BMERB1: variants seen among roughly 807,000 people sequenced by gnomAD.
BMERB1 encodes bMERB domain-containing protein 1.
BMERB1 carries 12 observed loss-of-function variants against 23.6 expected under a neutral mutation model. That is an observed-to-expected ratio of 0.51 (90% CI 0.33 to 0.82). The LOEUF is 0.82. BMERB1 is among the 40% of genes least tolerant of loss of function. BMERB1 has a pLI of 0.03. For missense variants in BMERB1, 247 were observed against 255.4 expected (o/e 0.97, Z 0.22); for synonymous variants, 122 against 96.6 (o/e 1.26, Z -1.54).
At chr16:15,574,439 GT>G (rs1037003082) in intron 3 of BMERB1, among the ~76,000 whole-genome samples, 1 of 152,052 alleles carries the variant, frequency 6.6e-6, no homozygotes, top group African/African-American at 2.4e-5. Flanking sequence ...TATCGTCTTT[GT>G]TTTAAATGAT....
intron 1 of BMERB1, among the ~76,000 whole-genome samples, chr16:15,514,679 G>A (rs1446432500): frequency 6.6e-6 from 1 of 152,164 alleles, no homozygotes; most frequent in Non-Finnish European, 1.5e-5. Context: ...TTATAAGGCT[G>A]AGGTGGGAGA....
chr16:15,553,794 C>T (rs191976039), intron 2 of BMERB1, among the ~76,000 whole-genome samples: 1 of 152,106 alleles, frequency 6.6e-6, no homozygotes, highest in Non-Finnish European at 1.5e-5. Context: ...GAGGAGCAAA[C>T]GCATCTTCCA....
intron 1 of BMERB1, among the ~76,000 whole-genome samples, chr16:15,437,917 C>T (rs2050902303): frequency 6.6e-6 from 1 of 151,430 alleles, no homozygotes. Flanking sequence ...GAGATTGCAC[C>T]ACTGCACTCC....
intron 1 of BMERB1, among the ~76,000 whole-genome samples, chr16:15,441,709 T>C (rs1284223623): frequency 6.6e-6 from 1 of 151,850 alleles, no homozygotes; most frequent in Non-Finnish European, 1.5e-5. Context: ...TTGGTAGAGA[T>C]GGGGTTTTGC....
intron 4 of BMERB1, among the ~76,000 whole-genome samples, chr16:15,581,670 A>G (rs577234139): frequency 6.6e-6 from 1 of 151,682 alleles, no homozygotes; most frequent in Admixed American, 6.6e-5. Context: ...TTCTACCGAA[A>G]CTCTGCCACC....
chr16:15,525,561 C>T (rs954825420), intron 2 of BMERB1, among the ~76,000 whole-genome samples: 5 of 151,932 alleles, frequency 3.3e-5, no homozygotes, highest in African/African-American at 7.2e-5. Flanking sequence ...AAAAATTAGC[C>T]GGCTGTGGTG....
intron 3 of BMERB1, among the ~76,000 whole-genome samples, chr16:15,577,911 G>T (rs1953080058): frequency 6.6e-6 from 1 of 152,240 alleles, no homozygotes; most frequent in South Asian, 2.1e-4. Flanking sequence ...CCCAACTCCT[G>T]AGATCTCATC....
chr16:15,573,288 CTGACT>C (rs1567504232), intron 3 of BMERB1, among the ~76,000 whole-genome samples: 3 of 152,204 alleles, frequency 2.0e-5, no homozygotes, highest in Admixed American at 6.5e-5. Flanking sequence ...CTAGACAAAC[CTGACT>C]TATCAAGACT....
At chr16:15,559,829 C>G (rs2030368308) in intron 2 of BMERB1, among the ~76,000 whole-genome samples, 1 of 152,100 alleles carries the variant, frequency 6.6e-6, no homozygotes, top group South Asian at 2.1e-4. Flanking sequence ...CTGAGTAATT[C>G]AGGACAGGGG....
At chr16:15,526,106 G>A (rs2051902340) in intron 2 of BMERB1, among the ~76,000 whole-genome samples, 3 of 152,084 alleles carry the variant, frequency 2.0e-5, no homozygotes, top group African/African-American at 7.2e-5. Context: ...AGTAAATAAT[G>A]GCTAGTGGCT....
intron 2 of BMERB1, among the ~76,000 whole-genome samples, chr16:15,544,773 C>T (rs1186117276): frequency 6.6e-6 from 1 of 152,158 alleles, no homozygotes; most frequent in Non-Finnish European, 1.5e-5. Context: ...CATTTCCTAG[C>T]TCATATGAGT....
At chr16:15,530,217 A>C (rs926637336) in intron 2 of BMERB1, among the ~76,000 whole-genome samples, 7 of 152,140 alleles carry the variant, frequency 4.6e-5, no homozygotes, top group African/African-American at 1.7e-4. Flanking sequence ...AACACTAAGC[A>C]TGTGGGAGTT....
chr16:15,564,009 G>A (rs570800781), intron 2 of BMERB1, among the ~76,000 whole-genome samples: 2 of 152,190 alleles, frequency 1.3e-5, no homozygotes, highest in Admixed American at 6.5e-5. Context: ...GTTAAAAAAA[G>A]CCTGGCACCT....
chr16:15,580,571 A>G (rs9930462), intron 3 of BMERB1, among the ~76,000 whole-genome samples: 139,746 of 148,502 alleles, frequency 0.94, 65,862 homozygotes, highest in East Asian at 1. Context: ...TTTTTGAGAC[A>G]GAGTCTCGCT....
intron 2 of BMERB1, among the ~76,000 whole-genome samples, chr16:15,529,230 GT>G (rs2051943911): frequency 6.6e-6 from 1 of 152,098 alleles, no homozygotes; most frequent in Admixed American, 6.6e-5. Flanking sequence ...GTTTCACCGT[GT>G]TAGCCAGGAT....
intron 1 of BMERB1, among the ~76,000 whole-genome samples, chr16:15,511,885 C>T (rs1025002324): frequency 1.4e-4 from 22 of 151,812 alleles, no homozygotes; most frequent in Admixed American, 1.4e-3. Context: ...TGGTGACATG[C>T]GCCTGTAGAT....
rs142995376 is a variant in BMERB1 at position 15,586,726 on chromosome 16, C to T, written c.512C>T (p.Ala171Val). 3.7e-6 allele frequency: 6 copies of T among 1,610,008 alleles called. No individual in the cohort carries two copies. The highest frequency in any genetic ancestry group is 1.3e-5 in the African/African-American group (1 of 74,876). Residue 171 changes from alanine to valine, a missense_variant, in exon 6 of 6, where the codon GCA (alanine) becomes GTA (valine). Physicochemically the swap from Ala to Val is moderately conservative, Grantham distance 64. Transcript: ENST00000300006. ...KVTKSPASSR[A>V]EKKAEPPPSK... ...CCACATCTTGCTGCAGGCTCCCGGG[C>T]AGAGAAGAAAGCAGAGCCCCCACCT...
At chr16:15,471,542 A>G (rs1330315691) in intron 1 of BMERB1, among the ~76,000 whole-genome samples, 2 of 152,170 alleles carry the variant, frequency 1.3e-5, no homozygotes, top group Non-Finnish European at 2.9e-5. Context: ...CTCAGTGGCT[A>G]TAGAATCTGT....
intron 2 of BMERB1, among the ~76,000 whole-genome samples, chr16:15,529,545 T>C (rs1276082179): frequency 6.6e-6 from 1 of 152,166 alleles, no homozygotes; most frequent in Non-Finnish European, 1.5e-5. Context: ...TGAGTGTATG[T>C]TCAATATCTG....
Sources: allele counts gnomAD v4.1 joint callset (sites outside exome capture counted in the v4.1 genomes callset), GRCh38; gene constraint gnomAD v4.1.1; transcripts MANE v1.5; gene names NCBI Gene and HGNC (gene_info 2026-07-23, HGNC 2026-07-21).